TBC1D8: variants seen among roughly 807,000 people sequenced by gnomAD.
TBC1D8 encodes BUB2-like protein 1.
In TBC1D8, 65 loss-of-function variants were observed where a neutral mutation model predicts 118.8. The ratio of observed to expected loss-of-function variants is 0.55; its 90% CI spans 0.45 to 0.67. TBC1D8 has a LOEUF of 0.67. TBC1D8 is among the 30% of genes least tolerant of loss of function. The pLI is 0.00. For missense variants in TBC1D8, 1,376 were observed against 1,471.2 expected (o/e 0.94, Z 1.06); for synonymous variants, 566 against 595.8 (o/e 0.95, Z 0.73).
At chr2:101,106,485 C>T (rs1173794528) in intron 1 of TBC1D8, among the ~76,000 whole-genome samples, 1 of 152,180 alleles carries the variant, frequency 6.6e-6, no homozygotes, top group Non-Finnish European at 1.5e-5. Context: ...AAATAGGGGA[C>T]AGCCCTAAGT....
At chr2:101,058,113 AC>A (rs1414316014) in intron 3 of TBC1D8, among the ~76,000 whole-genome samples, 2 of 152,140 alleles carry the variant, frequency 1.3e-5, no homozygotes, top group Admixed American at 1.3e-4. Context: ...GTATGATCTG[AC>A]CCAGGGAAGT....
chr2:101,119,179 A>C (rs1364082402), intron 1 of TBC1D8, among the ~76,000 whole-genome samples: 1 of 152,228 alleles, frequency 6.6e-6, no homozygotes, highest in Admixed American at 6.5e-5. Flanking sequence ...AGGCTCCTCA[A>C]GCAGTTCCCA....
intron 17 of TBC1D8, among the ~76,000 whole-genome samples, chr2:101,017,506 G>A (rs1679742804): frequency 6.6e-6 from 1 of 152,156 alleles, no homozygotes; most frequent in Non-Finnish European, 1.5e-5. Context: ...TTTCAGTCTC[G>A]CTGTAATCCT....
intron 2 of TBC1D8, among the ~76,000 whole-genome samples, chr2:101,085,764 T>C (rs749809954): frequency 6.6e-6 from 1 of 152,136 alleles, no homozygotes; most frequent in Non-Finnish European, 1.5e-5. Context: ...ACGGGTTCAA[T>C]AAAACAAGCA....
At position 101,036,108 on chromosome 2, in the gene TBC1D8, C is replaced by T. The variant is rs768495351; in HGVS notation, c.1513G>A (p.Val505Met). 3.7e-6 allele frequency: 6 copies of T among 1,613,980 alleles called. No homozygotes were observed. The highest frequency in any genetic ancestry group is 2.2e-5 in the East Asian group (1 of 44,882). ...ATCTTCTCTGTGCGAAACATACACA[C>T]GGTTCTGCCGTATTCCACAAAGTGG... ...NDHFVEYGRT[V>M]CMFRTEKIRK... Residue 505 changes from valine to methionine, a missense_variant, in exon 9 of 20, where the codon GTG (valine) becomes ATG (methionine). Transcript: ENST00000409318.
At chr2:101,015,860 GGCTA>G (rs1679593581) in intron 17 of TBC1D8, among the ~76,000 whole-genome samples, 1 of 151,752 alleles carries the variant, frequency 6.6e-6, no homozygotes, top group Non-Finnish European at 1.5e-5. Flanking sequence ...TGGGAAAACT[GGCTA>G]GCCATATGTA....
chr2:101,012,438 G>A (rs13403949), intron 17 of TBC1D8, among the ~76,000 whole-genome samples: 8,031 of 152,204 alleles, frequency 0.053, 719 homozygotes, highest in African/African-American at 0.18. Context: ...GAGAGAAGTC[G>A]AACATGATAC....
At chr2:101,122,430 A>G (rs1474179415) in intron 1 of TBC1D8, among the ~76,000 whole-genome samples, 2 of 150,748 alleles carry the variant, frequency 1.3e-5, no homozygotes, top group Non-Finnish European at 2.9e-5. Flanking sequence ...AATGCCAGGA[A>G]ATCAATACAA....
In TBC1D8 at chr2:101,151,353, G is replaced by A. The variant is rs1457617945; in HGVS notation, c.-100C>T. The stretch of plus-strand genomic sequence containing the variant: ...TCGAGAGGCGACGGCGGCGCGCGGG[G>A]ACCACAGCCCGGCCGGTGCCCAGCG... On this transcript the variant is annotated 5_prime_UTR_variant, in exon 1 of 20. Coordinates refer to ENST00000409318, the MANE Select transcript of TBC1D8 (RefSeq NM_001330348.2). The A allele has an allele frequency of 9.5e-7, 1 of 1,054,298 alleles. No homozygotes were observed. The highest frequency in any genetic ancestry group is 1.2e-6 in the Non-Finnish European group (1 of 858,616). The allele number at this position is 1,054,298 out of a possible 1,614,324, so 65.3% of individuals were successfully genotyped here. A position where few individuals can be genotyped will look rare whatever the true frequency, so the allele number is the denominator to read the frequency against.
At chr2:101,055,042 G>T (rs972414631) in intron 3 of TBC1D8, among the ~76,000 whole-genome samples, 3 of 152,008 alleles carry the variant, frequency 2.0e-5, no homozygotes, top group Non-Finnish European at 4.4e-5. Flanking sequence ...ACTGGCTCAG[G>T]CCTGTGAACT....
intron 17 of TBC1D8, among the ~76,000 whole-genome samples, chr2:101,015,537 A>C (rs1284133039): frequency 6.6e-6 from 1 of 152,236 alleles, no homozygotes; most frequent in Non-Finnish European, 1.5e-5. Flanking sequence ...TACAGCTGTG[A>C]AAAATATTTC....
chr2:101,113,366 A>G (rs922181355), intron 1 of TBC1D8, among the ~76,000 whole-genome samples: 1 of 151,836 alleles, frequency 6.6e-6, no homozygotes, highest in African/African-American at 2.4e-5. Context: ...CAGTTCCCAC[A>G]CAGGATACTG....
intron 15 of TBC1D8, among the ~76,000 whole-genome samples, chr2:101,025,033 G>A (rs1680257244): frequency 1.3e-5 from 2 of 152,156 alleles, no homozygotes; most frequent in African/African-American, 4.8e-5. Context: ...AAACAAACCT[G>A]CAGGTATTAT....
chr2:101,027,296 G>T, intron 15 of TBC1D8, 87 bp downstream of exon 15: 1 of 1,259,214 alleles, frequency 7.9e-7, no homozygotes, highest in Non-Finnish European at 1.2e-6. Context: ...CCTGCAGGCA[G>T]CTGCATGCTG....
At position 101,032,434 on chromosome 2, in the gene TBC1D8, AC is replaced by A. The variant is rs776551921; in HGVS notation, c.1819-50del. On this transcript the variant is annotated intron_variant, in intron 10 of 19. Coordinates refer to ENST00000409318, the MANE Select transcript of TBC1D8 (RefSeq NM_001330348.2). ...GTTACTGACTGGCCCATGTGATGCC[AC>A]AGAGATGTTACAAGCATCCAAGCCC... 1.1e-5 allele frequency: 17 copies of A among 1,524,008 alleles called. 1 individual carries two copies. The Admixed American group carries it at 1.5e-4, about 14-fold the overall frequency. The allele number at this position is 1,524,008 out of a possible 1,614,324, so 94.4% of individuals were successfully genotyped here.
At chr2:101,066,352 G>A (rs1381623394) in intron 2 of TBC1D8, among the ~76,000 whole-genome samples, 1 of 151,910 alleles carries the variant, frequency 6.6e-6, no homozygotes, top group Non-Finnish European at 1.5e-5. Flanking sequence ...AGAAGGTACA[G>A]GCCTGTTAAG....
intron 1 of TBC1D8, among the ~76,000 whole-genome samples, chr2:101,119,801 C>T (rs1038430462): frequency 2.0e-5 from 3 of 152,230 alleles, no homozygotes; most frequent in Admixed American, 2.0e-4. Context: ...GCAGAAGGCA[C>T]CTGCTGCCCC....
intron 1 of TBC1D8, among the ~76,000 whole-genome samples, chr2:101,098,575 C>T (rs1465357890): frequency 6.6e-6 from 1 of 152,146 alleles, no homozygotes; most frequent in Non-Finnish European, 1.5e-5. Context: ...CTTCTCAGTG[C>T]CACACGGCAC....
chr2:101,029,580 G>A lies in TBC1D8; in HGVS notation c.2133C>T (p.Ile711=). The A allele has an allele frequency of 1.2e-6, 2 of 1,613,994 alleles. No individual in the cohort carries two copies. Among genetic ancestry groups the A allele is most frequent in the Non-Finnish European group, 1.7e-6 (2 of 1,179,888 alleles). Residue 711 remains isoleucine, a synonymous_variant, in exon 12 of 20, where the codon ATC becomes ATT. Coordinates refer to ENST00000409318, the MANE Select transcript of TBC1D8 (RefSeq NM_001330348.2). The part of the protein sequence containing the change: ...DCFFYDGIKA[I]FQLGLAVLEA... ...CAAGCACAGCCAGTCCCAGCTGGAA[G>A]ATGGCTTTGATGCCATCATAGAAGA...
Sources: gnomAD v4.1 joint callset for allele counts (sites outside exome capture counted in the v4.1 genomes callset) on GRCh38, gnomAD v4.1.1 for gene constraint, MANE v1.5 for transcripts, NCBI Gene and HGNC (gene_info 2026-07-23, HGNC 2026-07-21) for gene names.